Variants in SCAPER observed in about 807,000 individuals in gnomAD.
SCAPER encodes S phase cyclin A-associated protein in the endoplasmic reticulum.
Under a neutral mutation model 182.2 loss-of-function variants are expected in SCAPER, and 98 were observed. The observed-to-expected ratio is 0.54, with a 90% CI of 0.46 to 0.64. The LOEUF (loss-of-function observed/expected upper bound fraction) is 0.64, where lower values mean the gene tolerates loss of function less well. Among genes scored for constraint, SCAPER ranks in the 30% least tolerant of loss-of-function variants. The pLI, the probability that SCAPER is intolerant of heterozygous loss-of-function variation, is 0.00. For synonymous variants in SCAPER, 605 were observed against 564.6 expected (o/e 1.07, Z -1.01); for missense variants, 1,432 against 1,690.0 (o/e 0.85, Z 2.68).
intron 17 of SCAPER, among the ~76,000 whole-genome samples, chr15:76,721,775 T>A (rs2060259136): frequency 6.6e-6 from 1 of 152,160 alleles, no homozygotes; most frequent in African/African-American, 2.4e-5. Flanking sequence ...TACACTGATT[T>A]TGTATCCTGA....
chr15:76,846,293 C>A (rs2070078801), intron 4 of SCAPER, among the ~76,000 whole-genome samples: 2 of 151,730 alleles, frequency 1.3e-5, no homozygotes, highest in South Asian at 2.1e-4. Flanking sequence ...GCAAAAATTT[C>A]TTGAGCAATA....
chr15:76,624,024 C>T (rs2052349677), intron 21 of SCAPER, among the ~76,000 whole-genome samples: 1 of 152,178 alleles, frequency 6.6e-6, no homozygotes, highest in Non-Finnish European at 1.5e-5. Flanking sequence ...TCTCACCACT[C>T]CTATTCAACA....
chr15:76,843,751 G>A (rs1467074280), intron 4 of SCAPER, among the ~76,000 whole-genome samples: 2 of 151,942 alleles, frequency 1.3e-5, no homozygotes, highest in African/African-American at 2.4e-5. Flanking sequence ...GAGCCCAGGA[G>A]TTTGAGAACA....
At position 76,360,611 on chromosome 15, in the gene SCAPER, G is replaced by A. The variant is rs556754203; in HGVS notation, c.3856-6471C>T. 5.3e-5 allele frequency among the ~76,000 whole-genome samples: 8 copies of A among 152,322 alleles called. No individual in the cohort carries two copies. In the South Asian group the frequency reaches 6.2e-4, roughly 12 times the overall value. ...GCTTCTTGCATGGCTCTGCCAGCCC[G>A]GATGAAGATGAGGATGACATACTGC... On this transcript the variant is annotated intron_variant, in intron 29 of 31. Transcript: ENST00000563290.
chr15:76,437,743 G>A (rs562076129), intron 25 of SCAPER, among the ~76,000 whole-genome samples: 3 of 151,978 alleles, frequency 2.0e-5, no homozygotes, highest in Non-Finnish European at 4.4e-5. Flanking sequence ...CCAGTAACTG[G>A]AACTTTTAAA....
intron 17 of SCAPER, among the ~76,000 whole-genome samples, chr15:76,710,982 G>A (rs2059532119): frequency 6.6e-6 from 1 of 152,082 alleles, no homozygotes; most frequent in African/African-American, 2.4e-5. Context: ...AGTGGGGAAA[G>A]GATAACCTTT....
At position 76,808,218 on chromosome 15, in the gene SCAPER, T is replaced by C. The variant is rs553783064; in HGVS notation, c.394-3585A>G. On this transcript the variant is annotated intron_variant, in intron 5 of 31. Transcript: ENST00000563290. ...ACTTTTCCAGCTGCAGCCTGAGGGT[T>C]TGGGCTTATAACTAGCCTGCATCCG... Among the ~76,000 whole-genome samples, 13 of 152,308 alleles carry C rather than the reference T, an allele frequency of 8.5e-5. No homozygotes were observed. The South Asian group carries it at 2.7e-3, about 32-fold the overall frequency.
At chr15:76,591,167 A>G (rs1368391531) in intron 22 of SCAPER, among the ~76,000 whole-genome samples, 1 of 152,130 alleles carries the variant, frequency 6.6e-6, no homozygotes, top group African/African-American at 2.4e-5. Flanking sequence ...TTGTACCTCA[A>G]CCCTTAAATT....
At chr15:76,515,187 T>G (rs1305491364) in intron 23 of SCAPER, among the ~76,000 whole-genome samples, 1 of 152,164 alleles carries the variant, frequency 6.6e-6, no homozygotes, top group Non-Finnish European at 1.5e-5. Context: ...CGATGCTAAT[T>G]GGAAGTTGGA....
At chr15:76,655,969 T>C (rs2055598913) in intron 21 of SCAPER, among the ~76,000 whole-genome samples, 1 of 152,118 alleles carries the variant, frequency 6.6e-6, no homozygotes. Context: ...CTTAAGTATG[T>C]AGGCCACTAA....
chr15:76,712,618 C>G (rs1307653639), intron 17 of SCAPER, among the ~76,000 whole-genome samples: 1 of 152,042 alleles, frequency 6.6e-6, no homozygotes, highest in Non-Finnish European at 1.5e-5. Flanking sequence ...TTTCATTGAG[C>G]AGTGGTTTGC....
intron 5 of SCAPER, among the ~76,000 whole-genome samples, chr15:76,809,195 A>G (rs1025927732): frequency 1.3e-5 from 2 of 152,192 alleles, no homozygotes; most frequent in Non-Finnish European, 2.9e-5. Flanking sequence ...GCCTCACCTA[A>G]TGCACAGAAA....
At chr15:76,799,686 C>T (rs574175951) in intron 7 of SCAPER, among the ~76,000 whole-genome samples, 1 of 152,282 alleles carries the variant, frequency 6.6e-6, no homozygotes, top group African/African-American at 2.4e-5. Flanking sequence ...TAAGAAGGAA[C>T]TGCCCACGAC....
intron 23 of SCAPER, among the ~76,000 whole-genome samples, chr15:76,542,105 T>C (rs1228906365): frequency 6.6e-6 from 1 of 152,168 alleles, no homozygotes; most frequent in East Asian, 1.9e-4. Context: ...TATATGACCA[T>C]ATCAAATAAT....
At chr15:76,753,418 A>C (rs563990751) in intron 15 of SCAPER, among the ~76,000 whole-genome samples, 92 of 152,070 alleles carry the variant, frequency 6.0e-4, no homozygotes, top group African/African-American at 2.1e-3. Flanking sequence ...AAAAGCAAAC[A>C]TCTATACTGA....
chr15:76,520,547 T>A lies in SCAPER; in HGVS notation c.2839-15573A>T, dbSNP rs183050816. Among the ~76,000 whole-genome samples, 36 of 152,246 alleles carry A rather than the reference T, an allele frequency of 2.4e-4. No homozygotes were observed. In the East Asian group the frequency reaches 6.8e-3, roughly 29 times the overall value. ...GCTGTCTTATCACTGCTGTTTCCCA[T>A]GTGCTTGGTCCATTTTAAAAAATCA... On this transcript the variant is annotated intron_variant, in intron 23 of 31. Coordinates refer to ENST00000563290, the MANE Select transcript of SCAPER (RefSeq NM_020843.4).
chr15:76,780,228 C>T (rs545042569), intron 8 of SCAPER, among the ~76,000 whole-genome samples: 1 of 152,278 alleles, frequency 6.6e-6, no homozygotes, highest in Non-Finnish European at 1.5e-5. Context: ...AGATTCTCTC[C>T]CGCGCCTGGC....
chr15:76,699,726 G>A (rs937506815), intron 20 of SCAPER, among the ~76,000 whole-genome samples: 4 of 152,204 alleles, frequency 2.6e-5, no homozygotes, highest in African/African-American at 4.8e-5. Context: ...TGGTCCGCTG[G>A]CAACAACACT....
intron 26 of SCAPER, 114 bp from the exon 27 acceptor site, chr15:76,404,793 AC>A (rs2044709967): frequency 1.0e-6 from 1 of 954,962 alleles, no homozygotes. Flanking sequence ...TGCAGACACA[AC>A]ACAAGTTTGA....
Sources: allele counts gnomAD v4.1 joint callset (sites outside exome capture counted in the v4.1 genomes callset), GRCh38; gene constraint gnomAD v4.1.1; transcripts MANE v1.5; gene names NCBI Gene and HGNC (gene_info 2026-07-23, HGNC 2026-07-21).